Variants in PID1 observed in about 807,000 individuals in gnomAD.
The protein encoded by PID1 is PTB-containing, cubilin and LRP1-interacting protein.
A neutral mutation model predicts 19.1 loss-of-function variants in PID1; 10 were observed. The ratio of observed to expected loss-of-function variants is 0.52; its 90% CI spans 0.32 to 0.89. PID1 has a LOEUF of 0.89. Among genes scored for constraint, PID1 ranks in the 40% least tolerant of loss-of-function variants. The pLI is 0.03. For synonymous variants in PID1, 130 were observed against 116.0 expected, an observed-to-expected ratio of 1.12 and a Z score of -0.78; for missense variants, 248 against 285.3, an observed-to-expected ratio of 0.87 and a Z score of 0.94.
rs138493662 is a variant in PID1 at position 229,163,638 on chromosome 2, G to GGAGA, written c.31-7678_31-7675dup. Among the ~76,000 whole-genome samples, 69 of 142,532 alleles carry GGAGA rather than the reference G, an allele frequency of 4.8e-4. No individual in the cohort carries two copies. In the South Asian group the frequency reaches 5.3e-3, roughly 11 times the overall value. 93.5% of individuals were successfully genotyped at this position (142,532 alleles called of 152,430 possible). A position where few individuals can be genotyped will look rare whatever the true frequency, so the allele number is the denominator to read the frequency against. ...TTACTCAGTGGGGAGAGAGACAGAG[G>GGAGA]GAGAGAGAGAGAGTGTGTGTGTGTG... On this transcript the variant is annotated intron_variant, in intron 1 of 2. Transcript: ENST00000392055.
chr2:229,113,843 G>T (rs572231343), intron 2 of PID1, among the ~76,000 whole-genome samples: 1 of 152,168 alleles, frequency 6.6e-6, no homozygotes, highest in African/African-American at 2.4e-5. Context: ...TACCCAGAGA[G>T]TTAGTTGGTC....
At chr2:229,218,074 T>C (rs541518557) in intron 1 of PID1, among the ~76,000 whole-genome samples, 7 of 152,240 alleles carry the variant, frequency 4.6e-5, no homozygotes, top group Non-Finnish European at 1.0e-4. Flanking sequence ...ATCTCTGTAA[T>C]AGTCCTTTAC....
At chr2:229,122,203 C>T (rs955733000) in intron 2 of PID1, among the ~76,000 whole-genome samples, 2 of 152,252 alleles carry the variant, frequency 1.3e-5, no homozygotes, top group Admixed American at 6.5e-5. Context: ...TACAGTAGTT[C>T]AGGTCTCTTT....
At chr2:229,090,991 C>A (rs962650835) in intron 2 of PID1, among the ~76,000 whole-genome samples, 3 of 152,130 alleles carry the variant, frequency 2.0e-5, no homozygotes, top group African/African-American at 4.8e-5. Flanking sequence ...GCCTGAAGGG[C>A]CTTCATCTCT....
intron 1 of PID1, among the ~76,000 whole-genome samples, chr2:229,269,753 T>C (rs1690686656): frequency 6.6e-6 from 1 of 152,094 alleles, no homozygotes; most frequent in South Asian, 2.1e-4. Flanking sequence ...GGTTAGGAGG[T>C]TGGTCATCCA....
chr2:229,097,526 T>C (rs1038748131), intron 2 of PID1, among the ~76,000 whole-genome samples: 1 of 152,178 alleles, frequency 6.6e-6, no homozygotes, highest in African/African-American at 2.4e-5. Flanking sequence ...TCAGATATTA[T>C]ATAAGCCCTA....
At chr2:229,252,842 A>T (rs1210203791) in intron 1 of PID1, among the ~76,000 whole-genome samples, 1 of 152,176 alleles carries the variant, frequency 6.6e-6, no homozygotes, top group African/African-American at 2.4e-5. Flanking sequence ...TTGCAAAGCC[A>T]TTCATTTCCT....
At chr2:229,138,704 C>T (rs1689907077) in intron 2 of PID1, among the ~76,000 whole-genome samples, 1 of 151,880 alleles carries the variant, frequency 6.6e-6, no homozygotes, top group Non-Finnish European at 1.5e-5. Context: ...GCAAACAGAC[C>T]CCATGCCTGG....
At chr2:229,270,557 C>T (rs1441811144) in intron 1 of PID1, among the ~76,000 whole-genome samples, 1 of 150,650 alleles carries the variant, frequency 6.6e-6, no homozygotes, top group East Asian at 2.0e-4. Flanking sequence ...ATACCATGAC[C>T]AAGCCAAACC....
intron 2 of PID1, among the ~76,000 whole-genome samples, chr2:229,111,941 G>C (rs1198972119): frequency 6.6e-6 from 1 of 152,192 alleles, no homozygotes; most frequent in African/African-American, 2.4e-5. Context: ...AAAGAGAAAG[G>C]CTGGCTAAAG....
chr2:229,061,598 T>C (rs1694213560), intron 2 of PID1, among the ~76,000 whole-genome samples: 1 of 152,048 alleles, frequency 6.6e-6, no homozygotes, highest in African/African-American at 2.4e-5. Context: ...GGGTGTTTTA[T>C]GGTTCCATAT....
intron 1 of PID1, among the ~76,000 whole-genome samples, chr2:229,251,275 A>AT (rs56674281): frequency 1.4e-4 from 21 of 150,924 alleles, no homozygotes; most frequent in African/African-American, 4.9e-4. Flanking sequence ...AAGGTACTGT[A>AT]TTTTTTTTTT....
chr2:229,143,195 G>A (rs1047289787), intron 2 of PID1, among the ~76,000 whole-genome samples: 3 of 144,928 alleles, frequency 2.1e-5, no homozygotes, highest in Non-Finnish European at 3.0e-5. Flanking sequence ...GGGGACTGCT[G>A]TGGGGTAGGG....
intron 1 of PID1, among the ~76,000 whole-genome samples, chr2:229,188,468 T>C (rs1691181564): frequency 6.6e-6 from 1 of 152,140 alleles, no homozygotes; most frequent in Admixed American, 6.5e-5. Flanking sequence ...CCAGGAGTGG[T>C]AGCTCACGCC....
chr2:229,164,291 T>G (rs1690554782), intron 1 of PID1, among the ~76,000 whole-genome samples: 1 of 152,106 alleles, frequency 6.6e-6, no homozygotes, highest in Admixed American at 6.5e-5. Flanking sequence ...GAACAAAAAT[T>G]TCACCTACTC....
chr2:229,027,884 C>A (rs1425247463), intron 2 of PID1, among the ~76,000 whole-genome samples: 1 of 152,008 alleles, frequency 6.6e-6, no homozygotes, highest in Admixed American at 6.5e-5. Flanking sequence ...TCTGAGGAAT[C>A]GGGGCGTCGT....
chr2:229,054,720 G>GTGTGTGT (rs1491116559), intron 2 of PID1, among the ~76,000 whole-genome samples: 258 of 22,526 alleles, frequency 0.011, 7 homozygotes, highest in African/African-American at 0.035. Flanking sequence ...GTGTGTGTGT[G>GTGTGTGT]GGGGGGGGGG....
intron 2 of PID1, among the ~76,000 whole-genome samples, chr2:229,144,425 G>A (rs1040987424): frequency 5.3e-5 from 8 of 152,084 alleles, no homozygotes; most frequent in East Asian, 1.9e-4. Flanking sequence ...ATAGTCATAC[G>A]CCAAATTTGA....
At chr2:229,045,809 T>C (rs1345522695) in intron 2 of PID1, among the ~76,000 whole-genome samples, 2 of 152,208 alleles carry the variant, frequency 1.3e-5, no homozygotes, top group Admixed American at 6.5e-5. Context: ...AGCATGCCCT[T>C]CTGGGCCACT....
Sources: gnomAD v4.1 joint callset for allele counts (sites outside exome capture counted in the v4.1 genomes callset) on GRCh38, gnomAD v4.1.1 for gene constraint, MANE v1.5 for transcripts, NCBI Gene and HGNC (gene_info 2026-07-23, HGNC 2026-07-21) for gene names.